Variants in PTCHD4 observed in about 807,000 individuals in gnomAD.
PTCHD4 encodes the protein patched domain-containing protein 4.
In PTCHD4, 33 loss-of-function variants were observed where a neutral mutation model predicts 58.1. That is an observed-to-expected ratio of 0.57 (90% CI 0.43 to 0.76). The LOEUF (loss-of-function observed/expected upper bound fraction) is 0.76. Among genes scored for constraint, PTCHD4 ranks in the 30% least tolerant of loss-of-function variants. PTCHD4 has a pLI of 0.00. For synonymous variants in PTCHD4, 478 were observed against 409.6 expected (o/e 1.17, Z -2.02); for missense variants, 1,058 against 1,027.1 (o/e 1.03, Z -0.41).
Position 47,865,997 on chromosome 6 carries a change from C to T in PTCHD4, c.*12306G>A, listed in dbSNP as rs1209363720. ...GTTATGGCTTTGCTCAGTCTGGTCC[C>T]GTCACATGGGGTGCTCAGGCCAATA... is the stretch of plus-strand genomic sequence containing the variant. On this transcript the variant is annotated 3_prime_UTR_variant, in exon 5 of 5. Transcript: ENST00000339488. Among the ~76,000 whole-genome samples, 3 of 151,302 alleles carry T rather than the reference C, an allele frequency of 2.0e-5. No homozygotes were observed. Among genetic ancestry groups the T allele is most frequent in the Non-Finnish European group, 4.4e-5 (3 of 67,594 alleles).
In PTCHD4 at chr6:47,871,882, A is replaced by G. The variant is rs1215128765; in HGVS notation, c.*6421T>C. 6.6e-6 allele frequency among the ~76,000 whole-genome samples: 1 copy of G among 151,644 alleles called. No homozygotes were observed. Among genetic ancestry groups the G allele is most frequent in the Non-Finnish European group, 1.5e-5 (1 of 67,734 alleles). On this transcript the variant is annotated 3_prime_UTR_variant, in exon 5 of 5. Coordinates refer to ENST00000339488, the MANE Select transcript of PTCHD4 (RefSeq NM_001384253.1). ...TTGCTTAAACTACTAAAACTTTGGGATATTTGCATTGACTAGTTTAAGGTC... is the reference window on the plus strand; with the variant it reads ...TTGCTTAAACTACTAAAACTTTGGGGTATTTGCATTGACTAGTTTAAGGTC...
chr6:48,059,647 C>T (rs1416047229), intron 3 of PTCHD4, among the ~76,000 whole-genome samples: 1 of 151,964 alleles, frequency 6.6e-6, no homozygotes, highest in East Asian at 1.9e-4. Context: ...AACAAACAAA[C>T]AAACAAACAA....
At chr6:47,899,554 C>T (rs919792114) in intron 4 of PTCHD4, 11 of 980,540 alleles carry the variant, frequency 1.1e-5, no homozygotes, top group African/African-American at 3.5e-5. Flanking sequence ...GCATGTTATC[C>T]TAATAAGGTT....
chr6:47,904,230 GA>G (rs1675309809), intron 4 of PTCHD4, among the ~76,000 whole-genome samples: 1 of 152,142 alleles, frequency 6.6e-6, no homozygotes, highest in Admixed American at 6.5e-5. Context: ...AGAAGACAGG[GA>G]TAAAAGTGAT....
At chr6:47,956,057 T>C (rs909258144) in intron 4 of PTCHD4, among the ~76,000 whole-genome samples, 1 of 152,236 alleles carries the variant, frequency 6.6e-6, no homozygotes, top group African/African-American at 2.4e-5. Flanking sequence ...TATGCTCAAT[T>C]CCCATTTATG....
At chr6:48,016,972 C>A (rs894485491) in intron 3 of PTCHD4, among the ~76,000 whole-genome samples, 3 of 152,142 alleles carry the variant, frequency 2.0e-5, no homozygotes, top group Non-Finnish European at 4.4e-5. Flanking sequence ...AATTGCAATT[C>A]AGATTTCATT....
intron 3 of PTCHD4, among the ~76,000 whole-genome samples, chr6:48,041,500 T>C (rs922385925): frequency 6.6e-6 from 1 of 152,076 alleles, no homozygotes; most frequent in Non-Finnish European, 1.5e-5. Context: ...CACCTAACTA[T>C]ATCATTTAGC....
chr6:48,108,480 A>T (rs1440485873), intron 1 of PTCHD4, among the ~76,000 whole-genome samples: 1 of 152,132 alleles, frequency 6.6e-6, no homozygotes, highest in Non-Finnish European at 1.5e-5. Flanking sequence ...GAGGGATAGC[A>T]TTAGGAGGTA....
At chr6:47,880,941 G>A (rs969346822) in intron 4 of PTCHD4, among the ~76,000 whole-genome samples, 1 of 152,126 alleles carries the variant, frequency 6.6e-6, no homozygotes, top group Non-Finnish European at 1.5e-5. Flanking sequence ...AATTGGACCT[G>A]TCAATGACCA....
chr6:48,009,948 C>T (rs1182382092), intron 3 of PTCHD4, among the ~76,000 whole-genome samples: 1 of 152,154 alleles, frequency 6.6e-6, no homozygotes, highest in Non-Finnish European at 1.5e-5. Context: ...AATCACTGCT[C>T]TTTAAGGCAC....
intron 4 of PTCHD4, among the ~76,000 whole-genome samples, chr6:47,975,909 C>T (rs939828383): frequency 1.3e-5 from 2 of 152,160 alleles, no homozygotes; most frequent in Non-Finnish European, 2.9e-5. Context: ...ACAAGTGTTC[C>T]ACTTATCTAT....
chr6:48,053,533 G>A (rs1405713673), intron 3 of PTCHD4, among the ~76,000 whole-genome samples: 2 of 151,926 alleles, frequency 1.3e-5, no homozygotes, highest in Non-Finnish European at 2.9e-5. Flanking sequence ...TCTATAGTAA[G>A]TTTTAATATT....
intron 4 of PTCHD4, among the ~76,000 whole-genome samples, chr6:47,931,806 AG>A (rs1765832792): frequency 6.6e-6 from 1 of 151,750 alleles, no homozygotes; most frequent in Non-Finnish European, 1.5e-5. Flanking sequence ...CTCATCTCTT[AG>A]GGGCCACGAA....
chr6:47,911,096 A>G (rs1175132121), intron 4 of PTCHD4, among the ~76,000 whole-genome samples: 1 of 152,146 alleles, frequency 6.6e-6, no homozygotes, highest in African/African-American at 2.4e-5. Context: ...TCTTGGATCC[A>G]TTCCCAGTTT....
intron 4 of PTCHD4, among the ~76,000 whole-genome samples, chr6:47,945,887 T>C (rs970683695): frequency 1.3e-5 from 2 of 151,856 alleles, no homozygotes; most frequent in African/African-American, 4.8e-5. Context: ...AATGTAAATA[T>C]TACCAATTTA....
At chr6:47,901,781 G>C in intron 4 of PTCHD4, 1 of 1,240,848 alleles carries the variant, frequency 8.1e-7, no homozygotes, top group Non-Finnish European at 1.0e-6. Context: ...TGATGATGAC[G>C]ATGATGATGA....
chr6:48,052,258 T>C (rs1169907322), intron 3 of PTCHD4, among the ~76,000 whole-genome samples: 1 of 151,828 alleles, frequency 6.6e-6, no homozygotes, highest in African/African-American at 2.4e-5. Flanking sequence ...AGGTTGAGAA[T>C]GAGATCTATG....
At chr6:48,050,042 C>T (rs1764175137) in intron 3 of PTCHD4, among the ~76,000 whole-genome samples, 1 of 151,730 alleles carries the variant, frequency 6.6e-6, no homozygotes, top group Non-Finnish European at 1.5e-5. Flanking sequence ...AACTAGGTAT[C>T]AACATGGCTT....
chr6:48,043,295 T>C (rs1763910554), intron 3 of PTCHD4, among the ~76,000 whole-genome samples: 1 of 151,902 alleles, frequency 6.6e-6, no homozygotes, highest in African/African-American at 2.4e-5. Context: ...TTCTCCAAAC[T>C]GTTCTCTTCT....
Sources: gnomAD v4.1 joint callset for allele counts (sites outside exome capture counted in the v4.1 genomes callset) on GRCh38, gnomAD v4.1.1 for gene constraint, MANE v1.5 for transcripts, NCBI Gene and HGNC (gene_info 2026-07-23, HGNC 2026-07-21) for gene names.